The following GLB1L variants were observed in gnomAD, a reference collection of about 807,000 sequenced individuals.
GLB1L encodes the protein galactosidase beta 1 like.
In GLB1L, 58 loss-of-function variants were observed where a neutral mutation model predicts 75.7. That is an observed-to-expected ratio of 0.77 (90% CI 0.62 to 0.95). The LOEUF (loss-of-function observed/expected upper bound fraction) is 0.95. GLB1L is among the 40% of genes least tolerant of loss of function. GLB1L has a pLI of 0.00. For missense variants in GLB1L, 797 were observed against 805.5 expected, an observed-to-expected ratio of 0.99 and a Z score of 0.13; for synonymous variants, 296 against 303.0, an observed-to-expected ratio of 0.98 and a Z score of 0.24.
Position 219,243,252 on chromosome 2 carries a change from C to A in GLB1L, c.135G>T (p.Pro45=). Reference sequence around the variant, plus strand: ...GCAGGCTGCCAGACACATAGCGGAACGGGGCCCCGTCTAGGAGAAACCGGT... The same window carrying A: ...GCAGGCTGCCAGACACATAGCGGAAAGGGGCCCCGTCTAGGAGAAACCGGT... The part of the protein sequence containing the change: ...GHDRFLLDGA[P]FRYVSGSLHY... Residue 45 remains proline, a synonymous_variant, in exon 3 of 17, where the codon CCG becomes CCT. Transcript: ENST00000295759. 2 of 1,613,940 alleles carry A rather than the reference C, an allele frequency of 1.2e-6. No individual in the cohort carries two copies. Among genetic ancestry groups the A allele is most frequent in the Middle Eastern group, 3.3e-4 (2 of 6,058 alleles).
chr2:219,241,052 G>A (rs1038226419), intron 5 of GLB1L, among the ~76,000 whole-genome samples: 3 of 152,040 alleles, frequency 2.0e-5, no homozygotes, highest in African/African-American at 7.2e-5. Flanking sequence ...CTGCACTCCA[G>A]CCTGGGCAAC....
At position 219,241,465 on chromosome 2, in the gene GLB1L, T is replaced by C. The variant is rs566120940; in HGVS notation, c.451+1049A>G. Among the ~76,000 whole-genome samples, 287 of 136,512 alleles carry C rather than the reference T, an allele frequency of 2.1e-3. 6 individuals are homozygous for C. Among genetic ancestry groups the C allele is most frequent in the Admixed American group, 6.8e-3 (83 of 12,152 alleles). 89.6% of individuals were successfully genotyped at this position (136,512 alleles called of 152,430 possible). The stretch of plus-strand genomic sequence containing the variant: ...GTGTATATATATATATATATATATA[T>C]ACATACATATATATGTATGTATAGA... On this transcript the variant is annotated intron_variant, in intron 5 of 16. Transcript: ENST00000295759.
chr2:219,243,372 C>A (rs903080802), intron 2 of GLB1L, 58 bp from the exon 3 acceptor site: 5 of 1,590,090 alleles, frequency 3.1e-6, no homozygotes, highest in Non-Finnish European at 1.7e-6. Flanking sequence ...CGAGGGTCAG[C>A]GCCTGCCAAG....
rs775337435 is a variant in GLB1L at position 219,239,686 on chromosome 2, G to A, written c.781-4C>T. ...CTGTGTAGTACTCAGAGTTTACCTA[G>A]AGTGTGAAATGAAAGGAGTGTGAGT... On this transcript the variant is annotated splice_region_variant and splice_polypyrimidine_tract_variant and intron_variant, in intron 8 of 16. Coordinates refer to ENST00000295759, the MANE Select transcript of GLB1L (RefSeq NM_001286423.2). The A allele has an allele frequency of 2.5e-6, 4 of 1,614,192 alleles. No individual in the cohort carries two copies. In the South Asian group the frequency reaches 4.4e-5, roughly 18 times the overall value.
At chr2:219,243,710 C>T in intron 1 of GLB1L, 67 bp from the exon 2 acceptor site, 1 of 740,848 alleles carries the variant, frequency 1.3e-6, no homozygotes, top group Non-Finnish European at 2.4e-6. Context: ...TCCTCTCCAG[C>T]CTGCAGCCAC....
At chr2:219,238,867 G>T in intron 11 of GLB1L, 88 bp from the exon 12 acceptor site, 2 of 1,182,778 alleles carry the variant, frequency 1.7e-6, no homozygotes, top group Non-Finnish European at 2.4e-6. Flanking sequence ...CTAACCTGGG[G>T]CCCAGGGAAG....
rs1337469919 is a variant in GLB1L, at chr2:219,239,435, C to G, written c.919G>C (p.Gly307Arg). Residue 307 changes from glycine (G) to arginine (R), a missense_variant, in exon 10 of 17, where the codon GGT (glycine) becomes CGT (arginine). Physicochemically the swap from Gly to Arg is moderately radical, Grantham distance 125 (BLOSUM62 -2). Transcript: ENST00000295759. ...ASVNMYMFHG[G>R]TNFGYWNGAD... ...CCATTCCAATATCCAAAGTTGGTAC[C>G]TCCATGGAACATGTACCTGAAGTGA... The G allele has an allele frequency of 1.9e-6, 3 of 1,605,558 alleles. No homozygotes were observed. In the Admixed American group the frequency reaches 5.0e-5, roughly 27 times the overall value.
chr2:219,237,653 G>T lies in GLB1L; in HGVS notation c.1548C>A (p.Asn516Lys), dbSNP rs1337420712. ...GGAGGGGAAACCACCACTTCACAAG[G>T]TTATCAATTTTCAGAGGGAACATCA... Reference protein sequence around the residue: ...QWMMFPLKIDNLVKWWFPLQL... With the variant: ...QWMMFPLKIDKLVKWWFPLQL... Residue 516 changes from asparagine (N) to lysine (K), a missense_variant, in exon 16 of 17, where the codon AAC (asparagine) becomes AAA (lysine). Coordinates refer to ENST00000295759, the MANE Select transcript of GLB1L (RefSeq NM_001286423.2). 6.2e-7 allele frequency: 1 copy of T among 1,614,212 alleles called. No individual in the cohort carries two copies. Among genetic ancestry groups the T allele is most frequent in the South Asian group, 1.1e-5 (1 of 91,086 alleles).
At position 219,236,607 on chromosome 2, in the gene GLB1L, G is replaced by C; in HGVS notation, c.*465C>G. ...GACAGGGCTAGAGGTATGTGGAGCT[G>C]GTACTGTCTCTGGAATTTTAATCAC... On this transcript the variant is annotated 3_prime_UTR_variant, in exon 17 of 17. Coordinates refer to ENST00000295759, the MANE Select transcript of GLB1L (RefSeq NM_001286423.2). The C allele has an allele frequency of 1.1e-6, 1 of 908,282 alleles. No individual in the cohort carries two copies. Among genetic ancestry groups the C allele is most frequent in the Non-Finnish European group, 1.6e-6 (1 of 623,354 alleles). The allele number at this position is 908,282 out of a possible 1,614,324, so 56.3% of individuals were successfully genotyped here.
Position 219,236,985 on chromosome 2 carries a change from T to TG in GLB1L, c.*86dup. Reference sequence around the variant, plus strand: ...TTCACCATGTTGGCCAGGCTGGTCTTGAAGTCCTGACCTCAGGTAATCCAC... The same window carrying TG: ...TTCACCATGTTGGCCAGGCTGGTCTTGGAAGTCCTGACCTCAGGTAATCCAC... On this transcript the variant is annotated 3_prime_UTR_variant, in exon 17 of 17. Coordinates refer to ENST00000295759, the MANE Select transcript of GLB1L (RefSeq NM_001286423.2). The TG allele has an allele frequency of 4.1e-6, 4 of 969,888 alleles. No homozygotes were observed. The highest frequency in any genetic ancestry group is 6.3e-6 in the Non-Finnish European group (4 of 635,010). 60.1% of individuals were successfully genotyped at this position (969,888 alleles called of 1,614,324 possible).
chr2:219,239,029 T>C (rs1951321921), intron 11 of GLB1L, 63 bp downstream of exon 11: 1 of 1,159,622 alleles, frequency 8.6e-7, no homozygotes. Flanking sequence ...ACCTTTACAA[T>C]GTGGGCACTC....
In GLB1L at chr2:219,239,789, G is replaced by A; in HGVS notation, c.766C>T (p.Pro256Ser). ...KIFTLLRKYE[P>S]HGPLVNSEYY... ...TGGCCCCTCACCAATGGCCCATGGG[G>A]TTCATACTTCCGAAGCAGGGTAAAG... Residue 256 changes from proline (P) to serine (S), a missense_variant, in exon 8 of 17, where the codon CCC (proline) becomes TCC (serine). Pro to Ser is a moderately conservative substitution (Grantham distance 74). Transcript: ENST00000295759. 1.9e-6 allele frequency: 3 copies of A among 1,614,178 alleles called. No individual in the cohort carries two copies. The highest frequency in any genetic ancestry group is 2.5e-6 in the Non-Finnish European group (3 of 1,180,046).
intron 4 of GLB1L, 21 bp from the exon 5 acceptor site, chr2:219,242,595 AC>A: frequency 6.2e-7 from 1 of 1,609,110 alleles, no homozygotes; most frequent in Non-Finnish European, 8.5e-7. Flanking sequence ...CATAAAGAGA[AC>A]AAAGAAGCAT....
intron 5 of GLB1L, among the ~76,000 whole-genome samples, chr2:219,240,977 G>A (rs78032645): frequency 6.6e-6 from 1 of 151,702 alleles, no homozygotes; most frequent in African/African-American, 2.4e-5. Context: ...CCAATTACTC[G>A]GGAGGCTGAG....
intron 11 of GLB1L, 63 bp from the exon 12 acceptor site, chr2:219,238,842 T>C: frequency 7.0e-7 from 1 of 1,432,672 alleles, no homozygotes; most frequent in Non-Finnish European, 9.7e-7. Flanking sequence ...ATTCCAAGAC[T>C]CTAGGGCAGA....
chr2:219,243,300 C>G lies in GLB1L; in HGVS notation c.87G>C (p.Ser29=). The change falls in exon 3 of 17, where the codon TCG becomes TCC. Residue 29 remains serine (S), a synonymous_variant. Transcript: ENST00000295759. ...GGTCATGACCCCTATCCACTACGAA[C>G]GACCGAGTGTCTGCCTATAAAGAGA... ...TLLLPQADTR[S]FVVDRGHDRF... The G allele has an allele frequency of 1.3e-6, 2 of 1,599,416 alleles. No homozygotes were observed. Among genetic ancestry groups the G allele is most frequent in the Non-Finnish European group, 8.5e-7 (1 of 1,170,634 alleles).
chr2:219,242,781 G>C lies in GLB1L; in HGVS notation c.377C>G (p.Ala126Gly). The part of the protein sequence containing the change: ...VILRPGPYIC[A>G]EWEMGGLPSW... ...CAGCTAACTCACCATCTCCCACTCT[G>C]CACAGATGTAAGGTCCTGGTCTCAG... Residue 126 changes from alanine (A) to glycine (G), a missense_variant, in exon 4 of 17, where the codon GCA (alanine) becomes GGA (glycine). Coordinates refer to ENST00000295759, the MANE Select transcript of GLB1L (RefSeq NM_001286423.2). 1.2e-6 allele frequency: 2 copies of C among 1,614,152 alleles called. No homozygotes were observed. The highest frequency in any genetic ancestry group is 1.7e-6 in the Non-Finnish European group (2 of 1,180,020).
Position 219,242,861 on chromosome 2 carries a change from G to A in GLB1L, c.297C>T (p.Ser99=). The A allele has an allele frequency of 6.2e-7, 1 of 1,613,930 alleles. No homozygotes were observed. Among genetic ancestry groups the A allele is most frequent in the Admixed American group, 1.7e-5 (1 of 60,022 alleles). ...CATTCAGAAAGGCAATGAGGTCCCG[G>A]CTGCCATTAAAGTTATAGACCCCAG... The part of the protein sequence containing the change: ...PQPGVYNFNG[S]RDLIAFLNEA... The change falls in exon 4 of 17, where the codon AGC becomes AGT. Residue 99 remains serine, a synonymous_variant. Transcript: ENST00000295759.
Position 219,239,680 on chromosome 2 carries a change from T to C in GLB1L, c.783A>G (p.Val261=), listed in dbSNP as rs1951338615. 6.2e-7 allele frequency: 1 copy of C among 1,614,088 alleles called. No individual in the cohort carries two copies. Among genetic ancestry groups the C allele is most frequent in the African/African-American group, 1.3e-5 (1 of 74,920 alleles). Residue 261 remains valine (V), a splice_region_variant and synonymous_variant, in exon 9 of 17, where the codon GTA becomes GTG. Coordinates refer to ENST00000295759, the MANE Select transcript of GLB1L (RefSeq NM_001286423.2). ...LRKYEPHGPL[V]NSEYYTGWLD... The stretch of plus-strand genomic sequence containing the variant: ...GCCAGCCTGTGTAGTACTCAGAGTT[T>C]ACCTAGAGTGTGAAATGAAAGGAGT...
Sources: gnomAD v4.1 joint callset for allele counts (sites outside exome capture counted in the v4.1 genomes callset) on GRCh38, gnomAD v4.1.1 for gene constraint, MANE v1.5 for transcripts, NCBI Gene and HGNC (gene_info 2026-07-23, HGNC 2026-07-21) for gene names.